IQSEC1: variants seen among roughly 807,000 people sequenced by gnomAD.
IQSEC1 encodes the protein IQ motif and Sec7 domain ArfGEF 1.
Under a neutral mutation model 91.0 loss-of-function variants are expected in IQSEC1, and 31 were observed. The observed-to-expected ratio is 0.34, with a 90% CI of 0.26 to 0.46. IQSEC1 has a LOEUF of 0.46. IQSEC1 is among the 20% of genes least tolerant of loss of function. The pLI is 1.00. For synonymous variants in IQSEC1, 699 were observed against 662.6 expected, an observed-to-expected ratio of 1.05 and a Z score of -0.84; for missense variants, 1,388 against 1,575.6, an observed-to-expected ratio of 0.88 and a Z score of 2.02.
At chr3:12,980,628 C>T (rs560997718) in intron 1 of IQSEC1, among the ~76,000 whole-genome samples, 1 of 152,344 alleles carries the variant, frequency 6.6e-6, no homozygotes, top group East Asian at 1.9e-4. Context: ...GATAATTCCA[C>T]ATTCAATGCC....
intron 1 of IQSEC1, among the ~76,000 whole-genome samples, chr3:12,996,997 A>G (rs187916839): frequency 5.9e-5 from 9 of 152,356 alleles, no homozygotes; most frequent in Admixed American, 5.9e-4. Context: ...CGAAGCTACT[A>G]CAGCATGCTA....
In IQSEC1 at chr3:12,997,518, A is replaced by G. The variant is rs181952211; in HGVS notation, c.24-55653T>C. The stretch of plus-strand genomic sequence containing the variant: ...TTGCAGTGCTTAATGATGGGGATAC[A>G]TTCTGAGAAATGTGTCCTTAGGTGA... On this transcript the variant is annotated intron_variant, in intron 1 of 13. Coordinates refer to ENST00000613206, the MANE Select transcript of IQSEC1 (RefSeq NM_001134382.3). Among the ~76,000 whole-genome samples, 321 of 152,324 alleles carry G rather than the reference A, an allele frequency of 2.1e-3. 6 individuals are homozygous for G. Among genetic ancestry groups the G allele is most frequent in the Non-Finnish European group, 1.7e-3 (115 of 68,024 alleles).
intron 1 of IQSEC1, among the ~76,000 whole-genome samples, chr3:12,990,172 A>G (rs1183630429): frequency 6.6e-6 from 1 of 152,234 alleles, no homozygotes; most frequent in Non-Finnish European, 1.5e-5. Flanking sequence ...GCTTTCCACC[A>G]AGTCCTTGGA....
chr3:13,062,126 G>C (rs370391152), intron 1 of IQSEC1, among the ~76,000 whole-genome samples: 1 of 152,162 alleles, frequency 6.6e-6, no homozygotes, highest in Non-Finnish European at 1.5e-5. Flanking sequence ...CAGTAATCAC[G>C]GAAATCCCTT....
chr3:13,269,205 C>T (rs749066378), intron 1 of IQSEC1, among the ~76,000 whole-genome samples: 4 of 152,144 alleles, frequency 2.6e-5, no homozygotes, highest in Non-Finnish European at 4.4e-5. Context: ...GAACTCAGGC[C>T]AACACTCCTG....
chr3:12,901,898 A>G (rs981129433), intron 13 of IQSEC1, among the ~76,000 whole-genome samples: 3 of 151,992 alleles, frequency 2.0e-5, no homozygotes, highest in Non-Finnish European at 2.9e-5. Flanking sequence ...GCGAGTGCAG[A>G]GGGGCTGATG....
rs201136387 is a variant in IQSEC1 at position 12,920,413 on chromosome 3, C to A, written c.2020+17G>T. The stretch of plus-strand genomic sequence containing the variant: ...TGGAGCAAATCTGTGGCTGGCCGAC[C>A]GCCTGAGACAGCTCACCTCGGAGGT... On this transcript the variant is annotated intron_variant, in intron 6 of 13. Coordinates refer to ENST00000613206, the MANE Select transcript of IQSEC1 (RefSeq NM_001134382.3). 2 of 1,608,982 alleles carry A rather than the reference C, an allele frequency of 1.2e-6. No homozygotes were observed. The highest frequency in any genetic ancestry group is 8.5e-7 in the Non-Finnish European group (1 of 1,175,670).
At chr3:12,926,700 G>A (rs1469299235) in intron 3 of IQSEC1, among the ~76,000 whole-genome samples, 1 of 152,228 alleles carries the variant, frequency 6.6e-6, no homozygotes, top group East Asian at 1.9e-4. Context: ...CCCGGGGTGG[G>A]GGGGATGGAG....
Position 12,936,134 on chromosome 3 carries a change from A to G in IQSEC1, c.882T>C (p.Asp294=). ...GCAGAGGGGGCGACAGCTCCTCCTCATCGATGTACAGGGTGACATCACTGT... is the reference window on the plus strand; with the variant it reads ...GCAGAGGGGGCGACAGCTCCTCCTCGTCGATGTACAGGGTGACATCACTGT... The part of the protein sequence containing the change: ...ASYSDVTLYI[D]EEELSPPLPL... Residue 294 remains aspartate (D), a synonymous_variant, in exon 3 of 14, where the codon GAT becomes GAC. Coordinates refer to ENST00000613206, the MANE Select transcript of IQSEC1 (RefSeq NM_001134382.3). The G allele has an allele frequency of 6.2e-7, 1 of 1,612,208 alleles. No individual in the cohort carries two copies. The highest frequency in any genetic ancestry group is 8.5e-7 in the Non-Finnish European group (1 of 1,179,836).
chr3:13,104,537 C>G (rs193273100), intron 2 of IQSEC1, among the ~76,000 whole-genome samples: 1 of 152,292 alleles, frequency 6.6e-6, no homozygotes, highest in East Asian at 1.9e-4. Context: ...CACCGCTGAC[C>G]CAGCACTCGG....
chr3:12,932,468 G>A (rs980465890), intron 3 of IQSEC1, among the ~76,000 whole-genome samples: 7 of 152,216 alleles, frequency 4.6e-5, no homozygotes, highest in Non-Finnish European at 7.3e-5. Context: ...ACAGGGTAAC[G>A]TGCGTTAGCG....
intron 2 of IQSEC1, among the ~76,000 whole-genome samples, chr3:13,131,803 A>G (rs552122075): frequency 6.6e-6 from 1 of 152,152 alleles, no homozygotes; most frequent in African/African-American, 2.4e-5. Context: ...ACCTATTTCT[A>G]TTCTTTCTGT....
intron 1 of IQSEC1, chr3:13,022,326 A>G: frequency 1.7e-6 from 2 of 1,198,102 alleles, no homozygotes; most frequent in Non-Finnish European, 2.1e-6. Flanking sequence ...TCCACCGGCC[A>G]GCCTCTGTGC....
chr3:13,117,984 C>T (rs1202918554), intron 2 of IQSEC1, among the ~76,000 whole-genome samples: 3 of 152,136 alleles, frequency 2.0e-5, no homozygotes, highest in African/African-American at 7.2e-5. Flanking sequence ...GCCCCCTGTG[C>T]ACTGCTGGTG....
intron 2 of IQSEC1, among the ~76,000 whole-genome samples, chr3:13,095,635 G>T (rs1324098019): frequency 1.3e-5 from 2 of 152,016 alleles, no homozygotes; most frequent in African/African-American, 4.8e-5. Context: ...CGGTGGGGAC[G>T]CTGAGGACGC....
At chr3:13,151,577 C>T (rs1342474356) in intron 2 of IQSEC1, among the ~76,000 whole-genome samples, 1 of 152,074 alleles carries the variant, frequency 6.6e-6, no homozygotes, top group South Asian at 2.1e-4. Flanking sequence ...GGACAAGGGT[C>T]GAAACAGGGG....
intron 13 of IQSEC1, among the ~76,000 whole-genome samples, chr3:12,902,162 G>C (rs945812128): frequency 2.0e-5 from 3 of 152,192 alleles, no homozygotes; most frequent in African/African-American, 7.2e-5. Flanking sequence ...AGCTGAGGTA[G>C]AGATGTGAAC....
At chr3:13,112,898 G>A (rs1706273459) in intron 2 of IQSEC1, among the ~76,000 whole-genome samples, 1 of 152,266 alleles carries the variant, frequency 6.6e-6, no homozygotes, top group Admixed American at 6.5e-5. Context: ...GGAGAGCCTG[G>A]TGAGACATGA....
chr3:13,092,449 AG>A (rs1334518659), intron 2 of IQSEC1, among the ~76,000 whole-genome samples: 1 of 152,104 alleles, frequency 6.6e-6, no homozygotes, highest in East Asian at 1.9e-4. Context: ...AGGCCTGCCC[AG>A]GCCTCATTCC....
Sources: gnomAD v4.1 joint callset for allele counts (sites outside exome capture counted in the v4.1 genomes callset) on GRCh38, gnomAD v4.1.1 for gene constraint, MANE v1.5 for transcripts, NCBI Gene and HGNC (gene_info 2026-07-23, HGNC 2026-07-21) for gene names.